Variants in SGCZ observed in about 807,000 individuals in gnomAD.
SGCZ encodes zeta-sarcoglycan.
A neutral mutation model predicts 41.3 loss-of-function variants in SGCZ; 40 were observed. That is an observed-to-expected ratio of 0.97 (90% confidence interval 0.75 to 1.26). SGCZ has a LOEUF of 1.26. Among genes scored for constraint, SGCZ ranks in the 50% most tolerant of loss-of-function variants. The pLI is 0.00. For synonymous variants in SGCZ, 206 were observed against 137.5 expected (o/e 1.50, Z -3.49); for missense variants, 552 against 369.8 (o/e 1.49, Z -4.04).
intron 2 of SGCZ, among the ~76,000 whole-genome samples, chr8:14,451,090 T>C (rs990117744): frequency 1.7e-4 from 26 of 152,128 alleles, no homozygotes; most frequent in African/African-American, 6.3e-4. Context: ...AATTTCATAG[T>C]TAGGAAATTA....
intron 1 of SGCZ, among the ~76,000 whole-genome samples, chr8:14,863,719 T>C (rs1803830848): frequency 1.3e-5 from 2 of 152,186 alleles, no homozygotes; most frequent in Non-Finnish European, 2.9e-5. Flanking sequence ...CTGCTGCTGA[T>C]AAAAGCAGAG....
chr8:14,092,215 C>T (rs535082296), intron 7 of SGCZ, among the ~76,000 whole-genome samples: 1 of 152,152 alleles, frequency 6.6e-6, no homozygotes, highest in South Asian at 2.1e-4. Flanking sequence ...GTTTTGGTTA[C>T]TGTAGCCTTG....
intron 4 of SGCZ, among the ~76,000 whole-genome samples, chr8:14,168,736 C>T (rs1804284807): frequency 6.6e-6 from 1 of 152,052 alleles, no homozygotes; most frequent in African/African-American, 2.4e-5. Flanking sequence ...TTATTTTACC[C>T]TATGCTAGTC....
At chr8:14,558,700 A>T in intron 1 of SGCZ, among the ~76,000 whole-genome samples, 1 of 151,990 alleles carries the variant, frequency 6.6e-6, no homozygotes, top group Non-Finnish European at 1.5e-5. Context: ...AAAACTACGG[A>T]CCAATATCCC....
intron 1 of SGCZ, among the ~76,000 whole-genome samples, chr8:15,175,074 C>T (rs1418124211): frequency 1.3e-5 from 2 of 152,032 alleles, no homozygotes; most frequent in Non-Finnish European, 2.9e-5. Flanking sequence ...TGTAACAAAC[C>T]TGCACATTCT....
chr8:14,463,027 T>C lies in SGCZ; in HGVS notation c.234+91705A>G, dbSNP rs528304906. ...TATAAAATACAACTGATTTTTTGTG[T>C]TGACTAATATTCTGCTACTTTGCTG... On this transcript the variant is annotated intron_variant, in intron 2 of 7. Coordinates refer to ENST00000382080, the MANE Select transcript of SGCZ (RefSeq NM_139167.4). Among the ~76,000 whole-genome samples the C allele has an allele frequency of 3.3e-4, 50 of 151,942 alleles. 1 individual carries two copies. Among genetic ancestry groups the C allele is most frequent in the African/African-American group, 1.2e-3 (48 of 41,548 alleles).
At chr8:14,341,144 G>C (rs576310808) in intron 2 of SGCZ, among the ~76,000 whole-genome samples, 80 of 152,220 alleles carry the variant, frequency 5.3e-4, no homozygotes, top group African/African-American at 1.6e-3. Context: ...TATGCTATCT[G>C]TATATACCAT....
chr8:14,739,731 C>G (rs1799144441), intron 1 of SGCZ, among the ~76,000 whole-genome samples: 1 of 151,956 alleles, frequency 6.6e-6, no homozygotes, highest in African/African-American at 2.4e-5. Flanking sequence ...AATTAATCTT[C>G]CTCCTAAGAG....
intron 2 of SGCZ, among the ~76,000 whole-genome samples, chr8:14,382,856 T>A (rs1190505793): frequency 6.6e-6 from 1 of 152,204 alleles, no homozygotes; most frequent in Non-Finnish European, 1.5e-5. Flanking sequence ...ACTGCTAGAC[T>A]CTTGTACTCC....
intron 1 of SGCZ, among the ~76,000 whole-genome samples, chr8:14,747,660 C>CATTATTATTATTATTATTATTATT (rs151163754): frequency 1.4e-5 from 2 of 139,500 alleles, no homozygotes; most frequent in Non-Finnish European, 3.1e-5. Flanking sequence ...GGGTACAAGG[C>CATTATTATTATTATTATTATTATT]ATTATTATTA....
intron 2 of SGCZ, among the ~76,000 whole-genome samples, chr8:14,416,296 G>C (rs3887200): frequency 2.6e-5 from 4 of 151,668 alleles, no homozygotes; most frequent in African/African-American, 9.7e-5. Flanking sequence ...TAATAAGACC[G>C]AGCAGCTGTT....
At chr8:14,380,103 T>C (rs1405047513) in intron 2 of SGCZ, among the ~76,000 whole-genome samples, 7 of 152,190 alleles carry the variant, frequency 4.6e-5, no homozygotes, top group South Asian at 2.1e-4. Context: ...TTATATTTTA[T>C]CTTCTGTAAG....
At chr8:14,769,348 T>A (rs1442870662) in intron 1 of SGCZ, among the ~76,000 whole-genome samples, 1 of 152,210 alleles carries the variant, frequency 6.6e-6, no homozygotes, top group Non-Finnish European at 1.5e-5. Flanking sequence ...AAAAATTTGT[T>A]CATAATGGTA....
At chr8:14,463,953 G>A (rs1342220408) in intron 2 of SGCZ, among the ~76,000 whole-genome samples, 4 of 148,484 alleles carry the variant, frequency 2.7e-5, no homozygotes, top group Non-Finnish European at 4.4e-5. Flanking sequence ...AAACATCCTT[G>A]CATCCAGGAA....
intron 1 of SGCZ, among the ~76,000 whole-genome samples, chr8:14,683,768 T>C (rs563678219): frequency 1.3e-5 from 2 of 152,132 alleles, no homozygotes; most frequent in Non-Finnish European, 2.9e-5. Context: ...ATTGCCATCA[T>C]TCTTGTACAG....
chr8:15,008,036 C>A (rs1487299501), intron 1 of SGCZ, among the ~76,000 whole-genome samples: 1 of 151,882 alleles, frequency 6.6e-6, no homozygotes, highest in African/African-American at 2.4e-5. Flanking sequence ...TTGTCTTTTT[C>A]TCTGTATTTT....
At chr8:14,281,413 AT>A (rs1218600920) in intron 3 of SGCZ, among the ~76,000 whole-genome samples, 2 of 151,830 alleles carry the variant, frequency 1.3e-5, no homozygotes, top group Non-Finnish European at 2.9e-5. Flanking sequence ...TGTCATTCTA[AT>A]TTTAAGCAAT....
intron 3 of SGCZ, among the ~76,000 whole-genome samples, chr8:14,254,394 A>T (rs776372095): frequency 6.6e-6 from 1 of 152,244 alleles, no homozygotes; most frequent in African/African-American, 2.4e-5. Flanking sequence ...GGTGCCCTGC[A>T]CTGCTGGCAC....
At chr8:14,228,036 T>A (rs906707361) in intron 4 of SGCZ, among the ~76,000 whole-genome samples, 1 of 129,356 alleles carries the variant, frequency 7.7e-6, no homozygotes, top group East Asian at 2.1e-4. Flanking sequence ...CTGAAGTGAA[T>A]GATCTTCTGT....
Sources: allele counts gnomAD v4.1 joint callset (sites outside exome capture counted in the v4.1 genomes callset), GRCh38; gene constraint gnomAD v4.1.1; transcripts MANE v1.5; gene names NCBI Gene and HGNC (gene_info 2026-07-23, HGNC 2026-07-21).